The following PKHD1 variants were observed in gnomAD, a reference collection of about 807,000 sequenced individuals.
PKHD1 encodes PKHD1 ciliary IPT domain containing fibrocystin/polyductin.
In PKHD1, 291 loss-of-function variants were observed where a neutral mutation model predicts 412.0. That is an observed-to-expected ratio of 0.71 (90% CI 0.64 to 0.78). PKHD1 has a LOEUF of 0.78. PKHD1 is among the 30% of genes least tolerant of loss of function. PKHD1 has a pLI of 0.00. For missense variants in PKHD1, 4,825 were observed against 4,950.7 expected, an observed-to-expected ratio of 0.97 and a Z score of 0.76; for synonymous variants, 1,777 against 1,821.5, an observed-to-expected ratio of 0.98 and a Z score of 0.62.
chr6:51,964,067 GA>G (rs1269304628), intron 35 of PKHD1, among the ~76,000 whole-genome samples: 1 of 152,120 alleles, frequency 6.6e-6, no homozygotes, highest in East Asian at 1.9e-4. Flanking sequence ...AAAAAAAGCA[GA>G]AAAAAACTTT....
In PKHD1 at chr6:51,911,769, A is replaced by G. The variant is rs376288722; in HGVS notation, c.6490+30T>C. ...ACAGTAAGAATATTCTTTTTTGCTC[A>G]TTAGACTTTCCAACAAAACACTCTT... is the stretch of plus-strand genomic sequence containing the variant. On this transcript the variant is annotated intron_variant, in intron 39 of 66. Coordinates refer to ENST00000371117, the MANE Select transcript of PKHD1 (RefSeq NM_138694.4). 2.9e-5 allele frequency: 46 copies of G among 1,595,414 alleles called. 1 individual carries two copies. In the African/African-American group the frequency reaches 5.9e-4, roughly 20 times the overall value.
intron 57 of PKHD1, 149 bp downstream of exon 57, chr6:51,753,052 T>A (rs1786357256): frequency 1.4e-6 from 1 of 703,480 alleles, no homozygotes; most frequent in Non-Finnish European, 2.4e-6. Context: ...AGATTAGGAC[T>A]GAAAATTCAT....
At chr6:52,082,843 G>A (rs558980499) in intron 3 of PKHD1, among the ~76,000 whole-genome samples, 4 of 152,328 alleles carry the variant, frequency 2.6e-5, no homozygotes, top group Admixed American at 2.0e-4. Context: ...CCCAAGTAGA[G>A]GACTGTCTTT....
At chr6:51,682,165 T>C (rs1477732524) in intron 60 of PKHD1, 1 of 451,210 alleles carries the variant, frequency 2.2e-6, no homozygotes, top group East Asian at 7.0e-5. Flanking sequence ...CATCTTTTCC[T>C]CCGAACATAT....
At chr6:51,857,025 G>C (rs1180603947) in intron 48 of PKHD1, among the ~76,000 whole-genome samples, 1 of 152,316 alleles carries the variant, frequency 6.6e-6, no homozygotes, top group Non-Finnish European at 1.5e-5. Flanking sequence ...AGGCAGGGTA[G>C]AGCAAAAGCA....
chr6:51,912,680 A>AT, intron 37 of PKHD1, 104 bp from the exon 38 acceptor site: 1 of 827,484 alleles, frequency 1.2e-6, no homozygotes, highest in Admixed American at 2.0e-5. Context: ...AAAGAATCCC[A>AT]TAAAATAAGA....
chr6:51,883,746 T>C (rs1445717178), intron 45 of PKHD1, among the ~76,000 whole-genome samples: 1 of 152,050 alleles, frequency 6.6e-6, no homozygotes, highest in Non-Finnish European at 1.5e-5. Context: ...CTTGGTAGAG[T>C]TGTAAGTCTA....
In PKHD1 at chr6:52,057,342, C is replaced by A. The variant is rs138977454; in HGVS notation, c.1513-363G>T. Among the ~76,000 whole-genome samples, 544 of 152,298 alleles carry A rather than the reference C, an allele frequency of 3.6e-3. 1 individual carries two copies. Among genetic ancestry groups the A allele is most frequent in the Non-Finnish European group, 4.0e-3 (273 of 68,014 alleles). On this transcript the variant is annotated intron_variant, in intron 16 of 66. Coordinates refer to ENST00000371117, the MANE Select transcript of PKHD1 (RefSeq NM_138694.4). ...ATGCACCCTCTCTTGGAGGCTTATG[C>A]AGTCTCTGCTTTGCTTCCAACACAT...
chr6:51,620,640 G>C (rs985779849), intron 66 of PKHD1, among the ~76,000 whole-genome samples: 6 of 151,702 alleles, frequency 4.0e-5, no homozygotes, highest in African/African-American at 9.7e-5. Flanking sequence ...AGTTCATTGA[G>C]AGCTGTCTTG....
chr6:51,810,221 C>T (rs148769492), intron 52 of PKHD1, among the ~76,000 whole-genome samples: 13 of 152,112 alleles, frequency 8.5e-5, no homozygotes, highest in South Asian at 4.2e-4. Flanking sequence ...AAAATTCACT[C>T]GATACTACCA....
chr6:51,954,013 G>C (rs1790756721), intron 36 of PKHD1, among the ~76,000 whole-genome samples: 1 of 152,046 alleles, frequency 6.6e-6, no homozygotes, highest in African/African-American at 2.4e-5. Flanking sequence ...TTATTACCCA[G>C]CTAATTCTTT....
At chr6:52,064,903 T>C in intron 13 of PKHD1, 52 bp downstream of exon 13, 3 of 895,720 alleles carry the variant, frequency 3.3e-6, no homozygotes, top group South Asian at 2.6e-5. Flanking sequence ...CGCCAGCCCA[T>C]CATGATTAAA....
chr6:51,938,094 T>C (rs958001127), intron 36 of PKHD1, among the ~76,000 whole-genome samples: 10 of 150,814 alleles, frequency 6.6e-5, no homozygotes, highest in Admixed American at 2.0e-4. Flanking sequence ...GTAAAACTAA[T>C]GAAAGGCCAC....
At chr6:51,873,736 C>A (rs1432533370) in intron 46 of PKHD1, among the ~76,000 whole-genome samples, 1 of 152,172 alleles carries the variant, frequency 6.6e-6, no homozygotes, top group South Asian at 2.1e-4. Flanking sequence ...GTAATTTAGA[C>A]TTTGTTAAGA....
Position 51,804,342 on chromosome 6 carries a change from G to C in PKHD1, c.8303-12969C>G, listed in dbSNP as rs181918742. On this transcript the variant is annotated intron_variant, in intron 52 of 66. Coordinates refer to ENST00000371117, the MANE Select transcript of PKHD1 (RefSeq NM_138694.4). Reference sequence around the variant, plus strand: ...CAACTCACTTATACATGACTAAGTAGAGAAATACTAATTCATTGGGGGGGG... The same window carrying C: ...CAACTCACTTATACATGACTAAGTACAGAAATACTAATTCATTGGGGGGGG... Among the ~76,000 whole-genome samples the C allele has an allele frequency of 4.5e-3, 469 of 105,286 alleles. 6 individuals carry two copies. Among genetic ancestry groups the C allele is most frequent in the Middle Eastern group, 8.6e-3 (1 of 116 alleles). 69.1% of individuals were successfully genotyped at this position (105,286 alleles called of 152,430 possible). A position where few individuals can be genotyped will look rare whatever the true frequency, so the allele number is the denominator to read the frequency against.
rs376262231 is a variant in PKHD1 at position 51,638,968 on chromosome 6, T to C, written c.11399-12A>G. The C allele has an allele frequency of 5.7e-6, 9 of 1,580,936 alleles. No homozygotes were observed. Among genetic ancestry groups the C allele is most frequent in the South Asian group, 3.3e-5 (3 of 90,444 alleles). On this transcript the variant is annotated splice_polypyrimidine_tract_variant and intron_variant, in intron 63 of 66. Coordinates refer to ENST00000371117, the MANE Select transcript of PKHD1 (RefSeq NM_138694.4). ...TGCCTGGGTGCACCCTACAAAAAAGTACAAAACAAAAATTAGCTGTTTATT... is the reference window on the plus strand; with the variant it reads ...TGCCTGGGTGCACCCTACAAAAAAGCACAAAACAAAAATTAGCTGTTTATT...
chr6:51,725,357 CAG>C (rs1404249351), intron 60 of PKHD1, among the ~76,000 whole-genome samples: 3 of 152,184 alleles, frequency 2.0e-5, no homozygotes, highest in Non-Finnish European at 2.9e-5. Flanking sequence ...CCAAGGCAAA[CAG>C]AGAGTCATGT....
intron 50 of PKHD1, among the ~76,000 whole-genome samples, chr6:51,839,952 C>T (rs1160587305): frequency 6.6e-6 from 1 of 151,862 alleles, no homozygotes; most frequent in Non-Finnish European, 1.5e-5. Context: ...CTTCTCTTTC[C>T]GTCTCTGCCT....
intron 52 of PKHD1, among the ~76,000 whole-genome samples, chr6:51,810,992 G>A (rs1764602228): frequency 6.6e-6 from 1 of 152,138 alleles, no homozygotes; most frequent in South Asian, 2.1e-4. Flanking sequence ...TTCTTTGGAA[G>A]CACAGGTACA....
Sources: gnomAD v4.1 joint callset for allele counts (sites outside exome capture counted in the v4.1 genomes callset) on GRCh38, gnomAD v4.1.1 for gene constraint, MANE v1.5 for transcripts, NCBI Gene and HGNC (gene_info 2026-07-23, HGNC 2026-07-21) for gene names.